TDRD3: variants seen among roughly 807,000 people sequenced by gnomAD.
The protein encoded by TDRD3 is tudor domain-containing protein 3.
Under a neutral mutation model 86.7 loss-of-function variants are expected in TDRD3, and 45 were observed. The observed-to-expected ratio is 0.52, with a 90% CI of 0.41 to 0.67. TDRD3 has a LOEUF of 0.67. Ranked by LOEUF, TDRD3 falls within the 30% of genes least tolerant of loss-of-function variation. The probability of loss-of-function intolerance (pLI) is 0.00; values close to 1 mark genes in which losing one functional copy is unlikely to be tolerated. For synonymous variants in TDRD3, 298 were observed against 301.7 expected (o/e 0.99, Z 0.13); for missense variants, 814 against 889.0 (o/e 0.92, Z 1.07).
chr13:60,470,402 T>C (rs1002066537), intron 5 of TDRD3, among the ~76,000 whole-genome samples: 1 of 152,170 alleles, frequency 6.6e-6, no homozygotes, highest in Non-Finnish European at 1.5e-5. Context: ...GTGGGATTGC[T>C]GGACCATATA....
At chr13:60,533,428 G>T (rs1485818611) in intron 11 of TDRD3, among the ~76,000 whole-genome samples, 2 of 152,114 alleles carry the variant, frequency 1.3e-5, no homozygotes, top group East Asian at 3.8e-4. Context: ...ATCACTTGAG[G>T]TCAGGAGTTC....
chr13:60,529,154 G>A lies in TDRD3; in HGVS notation c.1929G>A (p.Met643Ile), dbSNP rs370142703. Reference sequence around the variant, plus strand: ...AAATACTAGAATCATCTATTCCTATGGAGTATGCAAAAATGTGGAAACCTG... The same window carrying A: ...AAATACTAGAATCATCTATTCCTATAGAGTATGCAAAAATGTGGAAACCTG... ...PEKILESSIP[M>I]EYAKMWKPGD... Residue 643 changes from methionine to isoleucine, a missense_variant, in exon 11 of 14, where the codon ATG becomes ATA. By Grantham distance (10) the Met-to-Ile change is conservative. Coordinates refer to ENST00000377881, the MANE Select transcript of TDRD3 (RefSeq NM_001146070.2). 2 of 1,611,608 alleles carry A rather than the reference G, an allele frequency of 1.2e-6. No homozygotes were observed. Among genetic ancestry groups the A allele is most frequent in the African/African-American group, 2.7e-5 (2 of 74,718 alleles).
At chr13:60,558,879 A>G (rs1958264820) in intron 12 of TDRD3, among the ~76,000 whole-genome samples, 1 of 152,018 alleles carries the variant, frequency 6.6e-6, no homozygotes, top group Non-Finnish European at 1.5e-5. Flanking sequence ...TAGTTTTTGA[A>G]CTTCTGAAGA....
intron 12 of TDRD3, among the ~76,000 whole-genome samples, chr13:60,542,772 T>C (rs2137856487): frequency 6.6e-6 from 1 of 152,352 alleles, no homozygotes; most frequent in African/African-American, 2.4e-5. Flanking sequence ...TCTCTCAATT[T>C]CCATTGTTTC....
At chr13:60,455,266 G>A (rs535767538) in intron 3 of TDRD3, among the ~76,000 whole-genome samples, 3 of 152,144 alleles carry the variant, frequency 2.0e-5, no homozygotes, top group Non-Finnish European at 4.4e-5. Context: ...GAGATGTTTT[G>A]ACAGAGAAAG....
intron 10 of TDRD3, among the ~76,000 whole-genome samples, chr13:60,517,618 G>A (rs986384764): frequency 6.6e-6 from 1 of 152,122 alleles, no homozygotes; most frequent in African/African-American, 2.4e-5. Context: ...ATCTCTATGG[G>A]CTTCCCAGCC....
intron 3 of TDRD3, among the ~76,000 whole-genome samples, chr13:60,448,956 G>A (rs944031600): frequency 2.6e-5 from 4 of 152,186 alleles, no homozygotes; most frequent in African/African-American, 9.6e-5. Flanking sequence ...TACAGTCTTT[G>A]AGTTCTGTGT....
intron 4 of TDRD3, among the ~76,000 whole-genome samples, chr13:60,465,232 A>G (rs1159726694): frequency 2.6e-5 from 4 of 152,170 alleles, no homozygotes; most frequent in East Asian, 1.9e-4. Flanking sequence ...TTCATTAGCA[A>G]TTTCTTTGGA....
At chr13:60,481,611 T>C (rs1268387395) in intron 5 of TDRD3, among the ~76,000 whole-genome samples, 1 of 152,106 alleles carries the variant, frequency 6.6e-6, no homozygotes. Context: ...TTCTTTTTTT[T>C]GTATTTTTCT....
chr13:60,463,077 T>C (rs1202947410), intron 4 of TDRD3, among the ~76,000 whole-genome samples: 1 of 152,136 alleles, frequency 6.6e-6, no homozygotes, highest in Non-Finnish European at 1.5e-5. Flanking sequence ...AGAATGAAAT[T>C]CCCGTCTCTC....
chr13:60,493,547 C>T (rs889034862), intron 7 of TDRD3, among the ~76,000 whole-genome samples: 3 of 152,014 alleles, frequency 2.0e-5, no homozygotes, highest in African/African-American at 7.2e-5. Context: ...CCTGTAATCC[C>T]AGCTACTGAG....
chr13:60,501,740 C>G (rs576720190), intron 8 of TDRD3, among the ~76,000 whole-genome samples: 20 of 152,250 alleles, frequency 1.3e-4, no homozygotes, highest in Non-Finnish European at 2.5e-4. Flanking sequence ...TTTAAACAAC[C>G]AACTATTCTC....
intron 4 of TDRD3, among the ~76,000 whole-genome samples, chr13:60,461,919 C>CT (rs1955812293): frequency 6.6e-6 from 1 of 152,076 alleles, no homozygotes; most frequent in African/African-American, 2.4e-5. Flanking sequence ...TTTGGTGGAG[C>CT]TTAGGTGATT....
chr13:60,542,839 CTGGTGAG>C (rs753173006), intron 12 of TDRD3, among the ~76,000 whole-genome samples: 16 of 152,096 alleles, frequency 1.1e-4, no homozygotes, highest in Non-Finnish European at 2.1e-4. Context: ...CTTTTTACCT[CTGGTGAG>C]TGGTATCTTT....
At chr13:60,545,885 C>T (rs1298210998) in intron 12 of TDRD3, among the ~76,000 whole-genome samples, 4 of 151,968 alleles carry the variant, frequency 2.6e-5, no homozygotes, top group African/African-American at 9.7e-5. Flanking sequence ...TGTTCTTCCT[C>T]TGTTTCTCTC....
chr13:60,554,574 C>A (rs1958144672), intron 12 of TDRD3, among the ~76,000 whole-genome samples: 1 of 152,106 alleles, frequency 6.6e-6, no homozygotes, highest in South Asian at 2.1e-4. Context: ...TATGGATAAA[C>A]TTAGAATTTT....
At chr13:60,560,854 ATTATG>A (rs1360279715) in intron 12 of TDRD3, among the ~76,000 whole-genome samples, 3 of 152,336 alleles carry the variant, frequency 2.0e-5, no homozygotes, top group South Asian at 2.1e-4. Flanking sequence ...GAATGAAAAT[ATTATG>A]TTATGTCAGC....
intron 1 of TDRD3, among the ~76,000 whole-genome samples, chr13:60,435,961 G>C (rs919188857): frequency 3.1e-5 from 4 of 127,630 alleles, no homozygotes; most frequent in Non-Finnish European, 5.4e-5. Flanking sequence ...TCTTAGAGGA[G>C]TAAGGTGGTT....
At chr13:60,502,872 G>A (rs907107403) in intron 8 of TDRD3, among the ~76,000 whole-genome samples, 1 of 152,158 alleles carries the variant, frequency 6.6e-6, no homozygotes, top group African/African-American at 2.4e-5. Context: ...TTTTCTAATT[G>A]TGTCCTGTTG....
Sources: allele counts gnomAD v4.1 joint callset (sites outside exome capture counted in the v4.1 genomes callset), GRCh38; gene constraint gnomAD v4.1.1; transcripts MANE v1.5; gene names NCBI Gene and HGNC (gene_info 2026-07-23, HGNC 2026-07-21).